Variants in AJAP1 observed in about 807,000 individuals in gnomAD.
AJAP1 encodes the protein adherens junction-associated protein 1.
Under a neutral mutation model 35.0 loss-of-function variants are expected in AJAP1, and 5 were observed. That is an observed-to-expected ratio of 0.14 (90% CI 0.07 to 0.30). The LOEUF (loss-of-function observed/expected upper bound fraction) is 0.30, where lower values mean the gene tolerates loss of function less well. AJAP1 is among the 10% of genes least tolerant of loss of function. AJAP1 has a pLI of 1.00. For missense variants in AJAP1, 586 were observed against 571.0 expected (o/e 1.03, Z -0.27); for synonymous variants, 284 against 249.3 (o/e 1.14, Z -1.31).
At position 4,692,400 on chromosome 1, in the gene AJAP1, G is replaced by A. The variant is rs879123669; in HGVS notation, c.30-19500G>A. Reference sequence around the variant, plus strand: ...GAGGCTGGGGGGCACGTCTGAGGGTGCAGCAGAGGGATATAGCCTCCGTGG... The same window carrying A: ...GAGGCTGGGGGGCACGTCTGAGGGTACAGCAGAGGGATATAGCCTCCGTGG... On this transcript the variant is annotated intron_variant, in intron 1 of 5. Coordinates refer to ENST00000378191, the MANE Select transcript of AJAP1 (RefSeq NM_018836.4). This position sits in a 1 kb window ranked among gnomAD's most constrained non-coding sequence, Gnocchi z 4.4. 2.6e-5 allele frequency among the ~76,000 whole-genome samples: 4 copies of A among 152,176 alleles called. No individual in the cohort carries two copies. In the South Asian group the frequency reaches 8.3e-4, roughly 31 times the overall value.
At chr1:4,718,509 G>A (rs918308603) in intron 2 of AJAP1, among the ~76,000 whole-genome samples, 6 of 149,524 alleles carry the variant, frequency 4.0e-5, no homozygotes, top group African/African-American at 1.2e-4. Context: ...TTTTTTAGAT[G>A]GAGTCTCGTT....
intron 2 of AJAP1, among the ~76,000 whole-genome samples, chr1:4,752,522 G>C (rs1334361057): frequency 1.3e-5 from 2 of 152,186 alleles, no homozygotes; most frequent in African/African-American, 4.8e-5. Flanking sequence ...GCTCATAGCA[G>C]GCTCTGAATA....
At chr1:4,706,359 A>C (rs1283727745) in intron 1 of AJAP1, among the ~76,000 whole-genome samples, 1 of 152,202 alleles carries the variant, frequency 6.6e-6, no homozygotes, top group African/African-American at 2.4e-5. Flanking sequence ...ACCTGCCCCA[A>C]CTTACTGGTA....
chr1:4,753,810 G>A (rs941780000), intron 2 of AJAP1, among the ~76,000 whole-genome samples: 3 of 152,216 alleles, frequency 2.0e-5, no homozygotes, highest in Admixed American at 6.5e-5. Flanking sequence ...GACCTCAGGT[G>A]ATCCGCCCAC....
chr1:4,667,780 G>T (rs951046187), intron 1 of AJAP1, among the ~76,000 whole-genome samples: 1 of 152,116 alleles, frequency 6.6e-6, no homozygotes. Flanking sequence ...TGAAGTCATC[G>T]TCCCACCCAA....
At chr1:4,764,822 C>T (rs1423133741) in intron 2 of AJAP1, among the ~76,000 whole-genome samples, 1 of 152,180 alleles carries the variant, frequency 6.6e-6, no homozygotes, top group Admixed American at 6.5e-5. Context: ...AGAAAGAAAG[C>T]ACGTGATGGG....
rs1431916494 is a variant in AJAP1 at position 4,760,226 on chromosome 1, TGTGTGTGAGCATGTGTATGA to T, written c.830-9610_830-9591del. Among the ~76,000 whole-genome samples, 4 of 116,228 alleles carry T rather than the reference TGTGTGTGAGCATGTGTATGA, an allele frequency of 3.4e-5. No individual in the cohort carries two copies. The Admixed American group carries it at 3.7e-4, about 11-fold the overall frequency. The allele number at this position is 116,228 out of a possible 152,430, so 76.3% of individuals were successfully genotyped here. A position where few individuals can be genotyped will look rare whatever the true frequency, so the allele number is the denominator to read the frequency against. The stretch of plus-strand genomic sequence containing the variant: ...GTGCATGTGTGTGTGAATATGTAAG[TGTGTGTGAGCATGTGTATGA>T]GTGTGTGAGCATGTGTGTCCGTGTA... On this transcript the variant is annotated intron_variant, in intron 2 of 5. Transcript: ENST00000378191.
rs930844604 is a variant in AJAP1 at position 4,784,359 on chromosome 1, C to T, written c.*1874C>T. 2 of 152,228 alleles carry T rather than the reference C, an allele frequency of 1.3e-5. No homozygotes were observed. The highest frequency in any genetic ancestry group is 2.4e-5 in the African/African-American group (1 of 41,454). The allele number at this position is 152,228 out of a possible 1,614,324, so 9.4% of individuals were successfully genotyped here. ...TGGTGTGGGTCCCTGTCTCCAAAGA[C>T]TATATTTCTCACGCGTGGCCCACGT... On this transcript the variant is annotated 3_prime_UTR_variant, in exon 6 of 6. Transcript: ENST00000378191.
intron 5 of AJAP1, among the ~76,000 whole-genome samples, chr1:4,778,297 GC>G (rs1374992352): frequency 6.6e-6 from 1 of 152,188 alleles, no homozygotes; most frequent in Non-Finnish European, 1.5e-5. Context: ...TGGGGTCCAG[GC>G]CCCACCTTAT....
intron 2 of AJAP1, among the ~76,000 whole-genome samples, chr1:4,724,538 C>G (rs1570159113): frequency 6.6e-6 from 1 of 152,270 alleles, no homozygotes; most frequent in African/African-American, 2.4e-5. Flanking sequence ...CAGAGGTGGG[C>G]CTGCTCGCTC....
At chr1:4,717,485 C>G (rs965152903) in intron 2 of AJAP1, among the ~76,000 whole-genome samples, 1 of 152,196 alleles carries the variant, frequency 6.6e-6, no homozygotes. Context: ...GTCACGTATT[C>G]GTGACATCCA....
At chr1:4,752,189 A>G (rs1407240151) in intron 2 of AJAP1, among the ~76,000 whole-genome samples, 5 of 145,160 alleles carry the variant, frequency 3.4e-5, no homozygotes, top group Admixed American at 1.4e-4. Context: ...GGGAGGAGAG[A>G]GAGGAGGAGG....
At chr1:4,690,017 C>G (rs1639703443) in intron 1 of AJAP1, among the ~76,000 whole-genome samples, 1 of 152,168 alleles carries the variant, frequency 6.6e-6, no homozygotes, top group Non-Finnish European at 1.5e-5. Context: ...CAGCCCCGCT[C>G]CCTCCTGGCC....
chr1:4,768,069 C>T (rs1486951640), intron 2 of AJAP1, among the ~76,000 whole-genome samples: 1 of 152,086 alleles, frequency 6.6e-6, no homozygotes, highest in East Asian at 1.9e-4. Context: ...CTTGGCAGTC[C>T]CAGAGAAGGG....
chr1:4,671,495 T>A (rs1486062699), intron 1 of AJAP1, among the ~76,000 whole-genome samples: 1 of 152,100 alleles, frequency 6.6e-6, no homozygotes, highest in Non-Finnish European at 1.5e-5. Context: ...CCCTGTGGTC[T>A]TTCTGTCTCA....
rs1240343049 is a variant in AJAP1 at position 4,693,996 on chromosome 1, C to T, written c.30-17904C>T. ...TGCAGTGCCGGGAAAAGTGAGGCCT[C>T]ATTCACAAGGCAGGTGGGGTAGGGT... On this transcript the variant is annotated intron_variant, in intron 1 of 5. Coordinates refer to ENST00000378191, the MANE Select transcript of AJAP1 (RefSeq NM_018836.4). The surrounding 1 kb of genome is among the most constrained non-coding windows in gnomAD (Gnocchi z 4.4). Among the ~76,000 whole-genome samples the T allele has an allele frequency of 4.6e-5, 7 of 152,206 alleles. No homozygotes were observed. The highest frequency in any genetic ancestry group is 9.6e-5 in the African/African-American group (4 of 41,458).
intron 1 of AJAP1, among the ~76,000 whole-genome samples, chr1:4,709,041 C>A (rs1404130107): frequency 1.3e-5 from 2 of 152,212 alleles, no homozygotes; most frequent in South Asian, 2.1e-4. Flanking sequence ...CTATAGTAAC[C>A]AATTACAGCC....
chr1:4,672,607 C>G (rs914151031), intron 1 of AJAP1, among the ~76,000 whole-genome samples: 1 of 152,168 alleles, frequency 6.6e-6, no homozygotes. Flanking sequence ...GAGCTGTCTG[C>G]AAAGTCACTT....
rs573371255 is a variant in AJAP1 at position 4,720,288 on chromosome 1, G to A, written c.829+7589G>A. On this transcript the variant is annotated intron_variant, in intron 2 of 5. Transcript: ENST00000378191. This position sits in a 1 kb window ranked among gnomAD's most constrained non-coding sequence, Gnocchi z 4.4. ...ACATGGTTCAGTGAATCTCACAACCGTCCGCCTTGCAGTCTGTGTAAGGAC... is the reference window on the plus strand; with the variant it reads ...ACATGGTTCAGTGAATCTCACAACCATCCGCCTTGCAGTCTGTGTAAGGAC... Among the ~76,000 whole-genome samples the A allele has an allele frequency of 9.9e-5, 15 of 152,194 alleles. No individual in the cohort carries two copies. Among genetic ancestry groups the A allele is most frequent in the Non-Finnish European group, 1.5e-4 (10 of 68,032 alleles).
Sources: gnomAD v4.1 joint callset for allele counts (sites outside exome capture counted in the v4.1 genomes callset) on GRCh38, gnomAD v4.1.1 for gene constraint, Gnocchi (gnomAD v3.1) non-coding constraint, MANE v1.5 for transcripts, NCBI Gene and HGNC (gene_info 2026-07-23, HGNC 2026-07-21) for gene names.